The following CTNNA2 variants were observed in gnomAD, a reference collection of about 807,000 sequenced individuals.
The protein encoded by CTNNA2 is catenin alpha 2.
CTNNA2 carries 42 observed loss-of-function variants against 101.0 expected under a neutral mutation model. That is an observed-to-expected ratio of 0.42 (90% confidence interval 0.32 to 0.54). CTNNA2 has a LOEUF of 0.54. Ranked by LOEUF, CTNNA2 falls within the 20% of genes least tolerant of loss-of-function variation. The pLI is 0.14. For synonymous variants in CTNNA2, 450 were observed against 456.4 expected (o/e 0.99, Z 0.18); for missense variants, 871 against 1,223.1 (o/e 0.71, Z 4.29).
At chr2:80,203,601 G>A (rs2149021813) in intron 7 of CTNNA2, among the ~76,000 whole-genome samples, 1 of 152,316 alleles carries the variant, frequency 6.6e-6, no homozygotes, top group South Asian at 2.1e-4. Context: ...CCACTCCTGT[G>A]GCTTTGCAGG....
chr2:79,706,360 C>T (rs1426255033), intron 2 of CTNNA2, among the ~76,000 whole-genome samples: 1 of 79,526 alleles, frequency 1.3e-5, no homozygotes, highest in African/African-American at 5.6e-5. Flanking sequence ...GAGACTCCGT[C>T]TCAAAAAAAA....
At chr2:80,216,952 C>A (rs1708303472) in intron 7 of CTNNA2, among the ~76,000 whole-genome samples, 1 of 151,496 alleles carries the variant, frequency 6.6e-6, no homozygotes, top group African/African-American at 2.4e-5. Context: ...ATTCTCATAC[C>A]TCAGCCTCCC....
chr2:80,070,102 T>C (rs1293897397), intron 7 of CTNNA2, among the ~76,000 whole-genome samples: 3 of 152,222 alleles, frequency 2.0e-5, no homozygotes, highest in Non-Finnish European at 4.4e-5. Flanking sequence ...TGTAACTCCC[T>C]TCTCAGTCTA....
At chr2:79,912,037 T>C (rs571845062) in intron 7 of CTNNA2, among the ~76,000 whole-genome samples, 189 of 152,364 alleles carry the variant, frequency 1.2e-3, no homozygotes, top group African/African-American at 4.4e-3. Flanking sequence ...TGGGCTGTTA[T>C]CTTTCTCTTT....
In CTNNA2 at chr2:80,302,589, C is replaced by CGG; in HGVS notation, c.1057-90621_1057-90620dup. 6.2e-7 allele frequency: 1 copy of CGG among 1,606,888 alleles called. No homozygotes were observed. The highest frequency in any genetic ancestry group is 8.5e-7 in the Non-Finnish European group (1 of 1,178,980). ...GCGTGCTCGCCGCCTGGAAGAGCCA[C>CGG]GGTGGCAGGCTCGAATGTGCCGTCG... On this transcript the variant is annotated intron_variant, in intron 7 of 18. Transcript: ENST00000402739. This position sits in a 1 kb window ranked among gnomAD's most constrained non-coding sequence, Gnocchi z 6.4.
At chr2:79,338,575 A>ATCTTCCTCC (rs1239699778) in intron 3 of CTNNA2, among the ~76,000 whole-genome samples, 3 of 115,422 alleles carry the variant, frequency 2.6e-5, no homozygotes, top group African/African-American at 1.0e-4. Flanking sequence ...CTTCCTCCTC[A>ATCTTCCTCC]TCATCTTCTT....
chr2:79,500,514 A>G (rs1671307553), intron 4 of CTNNA2: 1 of 152,180 alleles, frequency 6.6e-6, no homozygotes, highest in Admixed American at 6.5e-5. Context: ...ATACACACAA[A>G]AAATTGAAAG....
intron 7 of CTNNA2, among the ~76,000 whole-genome samples, chr2:80,130,621 G>A (rs539834686): frequency 2.6e-5 from 4 of 152,194 alleles, no homozygotes; most frequent in Non-Finnish European, 5.9e-5. Context: ...GTCAACCTGC[G>A]ATGGTGGTTG....
intron 3 of CTNNA2, among the ~76,000 whole-genome samples, chr2:79,320,260 A>ATTTTTTTTTTTTTTTTTTT (rs34694986): frequency 8.3e-6 from 1 of 119,786 alleles, no homozygotes; most frequent in African/African-American, 3.2e-5. Context: ...TTACGTTTCA[A>ATTTTTTTTTTTTTTTTTTT]TTTTTTTTTT....
At chr2:80,497,754 G>C (rs1687580653) in intron 9 of CTNNA2, among the ~76,000 whole-genome samples, 1 of 152,176 alleles carries the variant, frequency 6.6e-6, no homozygotes, top group Non-Finnish European at 1.5e-5. Flanking sequence ...GTGTGGAGAA[G>C]GTCACAGGGG....
In CTNNA2 at chr2:79,744,483, G is replaced by A; in HGVS notation, c.199G>A (p.Ala67Thr). 3 of 1,614,116 alleles carry A rather than the reference G, an allele frequency of 1.9e-6. No homozygotes were observed. The highest frequency in any genetic ancestry group is 2.5e-6 in the Non-Finnish European group (3 of 1,179,988). The change falls in exon 3 of 19, where the codon GCC (alanine) becomes ACC (threonine). Residue 67 changes from alanine (A) to threonine (T), a missense_variant. Coordinates refer to ENST00000402739, the MANE Select transcript of CTNNA2 (RefSeq NM_001282597.3). ...AHVLAASVEQ[A>T]TQNFLEKGEQ... ...TGTACTAGCTGCCTCTGTAGAGCAA[G>A]CCACTCAGAATTTCCTGGAAAAGGG...
chr2:79,271,199 C>G (rs562942861), intron 2 of CTNNA2, among the ~76,000 whole-genome samples: 1 of 151,930 alleles, frequency 6.6e-6, no homozygotes, highest in South Asian at 2.1e-4. Context: ...AATTGCTTTT[C>G]AATTTTTTTG....
intron 2 of CTNNA2, among the ~76,000 whole-genome samples, chr2:79,214,156 A>G (rs1321225317): frequency 2.6e-5 from 4 of 152,304 alleles, no homozygotes; most frequent in Non-Finnish European, 4.4e-5. Flanking sequence ...CAAGATAGGT[A>G]ACAGATGAGG....
Position 79,597,120 on chromosome 2 carries a change from A to T in CTNNA2, c.-5-54432A>T, listed in dbSNP as rs77803693. ...AAATAAACTGTACGTATATGCATGC[A>T]CATGCCTTTTGTGTGTGAACAACTG... On this transcript the variant is annotated intron_variant, in intron 1 of 18. Coordinates refer to ENST00000402739, the MANE Select transcript of CTNNA2 (RefSeq NM_001282597.3). Among the ~76,000 whole-genome samples the T allele has an allele frequency of 3.9e-4, 59 of 152,338 alleles. 1 individual carries two copies. In the East Asian group the frequency reaches 9.6e-3, roughly 25 times the overall value.
chr2:79,793,868 CCACACACACACACACTCATGCACACA>C (rs1451411774), intron 3 of CTNNA2, among the ~76,000 whole-genome samples: 1 of 138,554 alleles, frequency 7.2e-6, no homozygotes, highest in Non-Finnish European at 1.5e-5. Flanking sequence ...TTCCCCAATA[CCACACACACACACACTCATGCACACA>C]CACACACACA....
intron 3 of CTNNA2, among the ~76,000 whole-genome samples, chr2:79,852,699 C>A (rs1199664042): frequency 1.3e-5 from 2 of 152,232 alleles, no homozygotes; most frequent in Non-Finnish European, 2.9e-5. Context: ...TCAAGTGATT[C>A]TCCTGCCTCA....
At chr2:79,355,962 G>T (rs111285996) in intron 3 of CTNNA2, among the ~76,000 whole-genome samples, 8 of 151,848 alleles carry the variant, frequency 5.3e-5, no homozygotes, top group African/African-American at 1.9e-4. Context: ...TTTAGGAGTG[G>T]AATTGCTGGG....
chr2:80,597,017 T>A (rs1294711454), intron 15 of CTNNA2, among the ~76,000 whole-genome samples: 1 of 152,228 alleles, frequency 6.6e-6, no homozygotes, highest in African/African-American at 2.4e-5. Flanking sequence ...ATTTATTGAT[T>A]TGCCTGTGTT....
intron 3 of CTNNA2, among the ~76,000 whole-genome samples, chr2:79,344,936 G>A (rs1677227764): frequency 6.7e-6 from 1 of 148,550 alleles, no homozygotes; most frequent in African/African-American, 2.5e-5. Flanking sequence ...GATAGTGTAT[G>A]TAAAGTACTT....
Sources: gnomAD v4.1 joint callset for allele counts (sites outside exome capture counted in the v4.1 genomes callset) on GRCh38, gnomAD v4.1.1 for gene constraint, Gnocchi (gnomAD v3.1) non-coding constraint, MANE v1.5 for transcripts, NCBI Gene and HGNC (gene_info 2026-07-23, HGNC 2026-07-21) for gene names.